KCNH7: variants seen among roughly 807,000 people sequenced by gnomAD.
KCNH7 encodes voltage-gated inwardly rectifying potassium channel KCNH7.
Under a neutral mutation model 120.8 loss-of-function variants are expected in KCNH7, and 49 were observed. That is an observed-to-expected ratio of 0.41 (90% CI 0.32 to 0.51). The LOEUF is 0.51. Ranked by LOEUF, KCNH7 falls within the 20% of genes least tolerant of loss-of-function variation. KCNH7 has a pLI of 0.38. For synonymous variants in KCNH7, 547 were observed against 516.1 expected, an observed-to-expected ratio of 1.06 and a Z score of -0.81; for missense variants, 1,097 against 1,446.6, an observed-to-expected ratio of 0.76 and a Z score of 3.92.
intron 9 of KCNH7, among the ~76,000 whole-genome samples, chr2:162,410,879 C>G (rs1478736471): frequency 6.6e-6 from 1 of 152,006 alleles, no homozygotes; most frequent in African/African-American, 2.4e-5. Context: ...CAGAGAAATG[C>G]AAATCACAAC....
At chr2:162,410,143 C>T (rs1687341590) in intron 9 of KCNH7, among the ~76,000 whole-genome samples, 1 of 151,918 alleles carries the variant, frequency 6.6e-6, no homozygotes, top group Admixed American at 6.6e-5. Context: ...GCAAAAAGAA[C>T]AAAGCTGGAG....
chr2:162,650,765 G>T (rs1274442536), intron 2 of KCNH7, among the ~76,000 whole-genome samples: 1 of 152,140 alleles, frequency 6.6e-6, no homozygotes, highest in Admixed American at 6.6e-5. Flanking sequence ...ACCAGAGCAA[G>T]GGTTGTGTAT....
chr2:162,586,784 G>T (rs1223639671), intron 2 of KCNH7, among the ~76,000 whole-genome samples: 1 of 149,884 alleles, frequency 6.7e-6, no homozygotes, highest in Non-Finnish European at 1.5e-5. Flanking sequence ...GAATTTCTTA[G>T]TATAAATAAT....
chr2:162,484,824 C>G (rs931951184), intron 6 of KCNH7, among the ~76,000 whole-genome samples: 1 of 152,114 alleles, frequency 6.6e-6, no homozygotes, highest in Non-Finnish European at 1.5e-5. Context: ...CTGTTGCTTC[C>G]TCTCTCACCA....
intron 6 of KCNH7, among the ~76,000 whole-genome samples, chr2:162,466,283 C>A (rs6745775): frequency 2.6e-5 from 4 of 151,952 alleles, no homozygotes; most frequent in Non-Finnish European, 5.9e-5. Flanking sequence ...TATAAAGAAC[C>A]GCCCAAGACT....
intron 4 of KCNH7, among the ~76,000 whole-genome samples, chr2:162,513,411 T>C (rs1451746431): frequency 3.6e-5 from 5 of 139,648 alleles, no homozygotes; most frequent in African/African-American, 1.3e-4. Context: ...CCTTCTTTCC[T>C]TCCTTCCCTC....
chr2:162,755,890 T>G (rs1222263844), intron 2 of KCNH7, among the ~76,000 whole-genome samples: 1 of 152,180 alleles, frequency 6.6e-6, no homozygotes, highest in African/African-American at 2.4e-5. Context: ...TGGTGTATAC[T>G]CAACCAGAGT....
At chr2:162,526,671 G>A (rs755324281) in intron 3 of KCNH7, among the ~76,000 whole-genome samples, 3 of 151,982 alleles carry the variant, frequency 2.0e-5, no homozygotes, top group Non-Finnish European at 4.4e-5. Context: ...CTTGTTCCCT[G>A]AACATTGTTG....
chr2:162,706,960 C>G (rs73974049), intron 2 of KCNH7, among the ~76,000 whole-genome samples: 13,673 of 152,026 alleles, frequency 0.09, 1,890 homozygotes, highest in African/African-American at 0.3. Flanking sequence ...AAGCCAAGGG[C>G]TATCTCCGGT....
At chr2:162,374,111 A>T (rs1282824802) in intron 14 of KCNH7, among the ~76,000 whole-genome samples, 1 of 152,194 alleles carries the variant, frequency 6.6e-6, no homozygotes, top group Non-Finnish European at 1.5e-5. Context: ...GTGTTTTTAC[A>T]TTTATATTAA....
intron 4 of KCNH7, among the ~76,000 whole-genome samples, chr2:162,513,385 C>CCTTCCT (rs1558987642): frequency 8.2e-6 from 1 of 121,514 alleles, no homozygotes; most frequent in African/African-American, 2.9e-5. Flanking sequence ...TTCCTTCCTT[C>CCTTCCT]TCTCCTTCCC....
At chr2:162,752,908 GAAAAGAAAAGA>G (rs1688616333) in intron 2 of KCNH7, among the ~76,000 whole-genome samples, 3 of 35,968 alleles carry the variant, frequency 8.3e-5, no homozygotes, top group Admixed American at 3.2e-4. Flanking sequence ...CTCAGAAAAA[GAAAAGAAAAGA>G]AAAGAAAAGA....
rs776417273 is a variant in KCNH7, at chr2:162,435,507, C to T, written c.1645G>A (p.Ala549Thr). The T allele has an allele frequency of 5.0e-6, 8 of 1,613,572 alleles. No homozygotes were observed. The highest frequency in any genetic ancestry group is 1.1e-5 in the South Asian group (1 of 91,074). ...RKLDRYSEYG[A>T]AVLMLLMCIF... ...CACATTAAGAGCATTAGAACAGCAG[C>T]GCCATATTCTGAATATCGATCCAGT... is the stretch of plus-strand genomic sequence containing the variant. The change falls in exon 8 of 16, where the codon GCT becomes ACT. Residue 549 changes from alanine (A) to threonine (T), a missense_variant. By Grantham distance (58) the Ala-to-Thr change is moderately conservative. Coordinates refer to ENST00000332142, the MANE Select transcript of KCNH7 (RefSeq NM_033272.4).
chr2:162,512,849 T>A (rs1691126547), intron 4 of KCNH7, among the ~76,000 whole-genome samples, 175 bp from the exon 5 acceptor site: 1 of 151,796 alleles, frequency 6.6e-6, no homozygotes, highest in Non-Finnish European at 1.5e-5. Flanking sequence ...ATGCATATAC[T>A]AAAAATAGTA....
At chr2:162,835,606 TTGTATAGA>T (rs1169814302) in intron 2 of KCNH7, among the ~76,000 whole-genome samples, 1 of 151,976 alleles carries the variant, frequency 6.6e-6, no homozygotes, top group East Asian at 1.9e-4. Flanking sequence ...AAATATCATT[TTGTATAGA>T]TATATAGATA....
At chr2:162,758,832 C>T (rs1163491245) in intron 2 of KCNH7, among the ~76,000 whole-genome samples, 3 of 152,072 alleles carry the variant, frequency 2.0e-5, no homozygotes, top group African/African-American at 4.8e-5. Flanking sequence ...ACTTTACTGC[C>T]TTTTAGCTAA....
intron 2 of KCNH7, among the ~76,000 whole-genome samples, chr2:162,792,790 TGTGTGTGTGTGTG>T (rs2105522294): frequency 3.3e-5 from 5 of 149,278 alleles, no homozygotes; most frequent in African/African-American, 1.2e-4. Context: ...TGTGTGTGTG[TGTGTGTGTGTGTG>T]TGTGTCTCAA....
chr2:162,468,116 C>G (rs972876678), intron 6 of KCNH7, among the ~76,000 whole-genome samples: 1 of 152,126 alleles, frequency 6.6e-6, no homozygotes, highest in South Asian at 2.1e-4. Flanking sequence ...TCTCTTTGTC[C>G]TCTCCATCTG....
chr2:162,405,115 A>T (rs1316536802), intron 9 of KCNH7, among the ~76,000 whole-genome samples: 1 of 151,996 alleles, frequency 6.6e-6, no homozygotes, highest in Non-Finnish European at 1.5e-5. Flanking sequence ...AGTTCCAGAA[A>T]ATTTTTTCAA....
Sources: gnomAD v4.1 joint callset for allele counts (sites outside exome capture counted in the v4.1 genomes callset) on GRCh38, gnomAD v4.1.1 for gene constraint, MANE v1.5 for transcripts, NCBI Gene and HGNC (gene_info 2026-07-23, HGNC 2026-07-21) for gene names.